Variants in ELF2 observed in about 807,000 individuals in gnomAD.
ELF2 encodes ETS-related transcription factor Elf-2.
Under a neutral mutation model 54.8 loss-of-function variants are expected in ELF2, and 11 were observed. The observed-to-expected ratio is 0.20, with a 90% confidence interval of 0.13 to 0.33. The LOEUF (loss-of-function observed/expected upper bound fraction) is 0.33, where lower values mean the gene tolerates loss of function less well. Among genes scored for constraint, ELF2 ranks in the 10% least tolerant of loss-of-function variants. ELF2 has a pLI of 1.00. For missense variants in ELF2, 513 were observed against 703.0 expected, an observed-to-expected ratio of 0.73 and a Z score of 3.06; for synonymous variants, 203 against 245.1, an observed-to-expected ratio of 0.83 and a Z score of 1.61.
intron 4 of ELF2, among the ~76,000 whole-genome samples, chr4:139,083,571 T>G (rs915083845): frequency 6.6e-6 from 1 of 152,052 alleles, no homozygotes; most frequent in Non-Finnish European, 1.5e-5. Flanking sequence ...TTGGCGGGTA[T>G]CGGTCCACCG....
chr4:139,114,246 T>C (rs1735291668), intron 4 of ELF2, among the ~76,000 whole-genome samples: 1 of 152,194 alleles, frequency 6.6e-6, no homozygotes, highest in Non-Finnish European at 1.5e-5. Flanking sequence ...TATGATTTTT[T>C]TACTTAAATG....
intron 1 of ELF2, among the ~76,000 whole-genome samples, chr4:139,170,259 C>CATT (rs1387778713): frequency 1.1e-5 from 1 of 89,292 alleles, no homozygotes; most frequent in East Asian, 3.1e-4. Flanking sequence ...TCTTAATCGC[C>CATT]TTTTTTTTTT....
intron 4 of ELF2, among the ~76,000 whole-genome samples, chr4:139,112,060 T>C (rs1735002124): frequency 6.6e-6 from 1 of 152,260 alleles, no homozygotes; most frequent in Admixed American, 6.5e-5. Context: ...TTTAGACTTA[T>C]CTGATCCAAG....
chr4:139,106,081 A>G (rs1417039476), intron 4 of ELF2, among the ~76,000 whole-genome samples: 1 of 152,196 alleles, frequency 6.6e-6, no homozygotes, highest in Non-Finnish European at 1.5e-5. Context: ...GGCCATGGAA[A>G]TTTTTGTCAT....
chr4:139,131,891 A>T (rs957223739), intron 3 of ELF2, among the ~76,000 whole-genome samples: 4 of 152,186 alleles, frequency 2.6e-5, no homozygotes, highest in African/African-American at 9.7e-5. Flanking sequence ...CAATTAAGGC[A>T]GTTAGAGCTA....
chr4:139,177,229 G>A (rs1420899313), upstream of ELF2: 4 of 99,150 alleles, frequency 4.0e-5, no homozygotes, highest in South Asian at 9.9e-4. Context: ...GGTTGCCCCC[G>A]CCCCGCTCCG....
chr4:139,113,024 A>G (rs1231310999), intron 4 of ELF2, among the ~76,000 whole-genome samples: 1 of 152,214 alleles, frequency 6.6e-6, no homozygotes, highest in African/African-American at 2.4e-5. Flanking sequence ...TTCCTTTTAC[A>G]TAAAACAGAT....
At chr4:139,064,109 G>A (rs887186811) in intron 7 of ELF2, among the ~76,000 whole-genome samples, 8 of 152,140 alleles carry the variant, frequency 5.3e-5, no homozygotes, top group African/African-American at 1.7e-4. Context: ...AGGAGTTCAT[G>A]ACCAGCCTGG....
chr4:139,147,778 A>ATTTT (rs767408414), intron 1 of ELF2, among the ~76,000 whole-genome samples: 1 of 120,156 alleles, frequency 8.3e-6, no homozygotes. Flanking sequence ...CCAGCCAGAG[A>ATTTT]TTTTTTTTTT....
At chr4:139,105,110 G>A (rs1734290184) in intron 4 of ELF2, among the ~76,000 whole-genome samples, 1 of 152,068 alleles carries the variant, frequency 6.6e-6, no homozygotes, top group South Asian at 2.1e-4. Context: ...CCTAATAACT[G>A]TCATATGGAA....
intron 4 of ELF2, chr4:139,115,386 G>C (rs1735578867): frequency 9.7e-7 from 1 of 1,029,338 alleles, no homozygotes; most frequent in Non-Finnish European, 1.2e-6. Flanking sequence ...GCGGCCGCCG[G>C]GGCCACGTGC....
intron 4 of ELF2, among the ~76,000 whole-genome samples, chr4:139,114,314 T>C (rs1735299378): frequency 6.6e-6 from 1 of 152,174 alleles, no homozygotes; most frequent in African/African-American, 2.4e-5. Flanking sequence ...CTCACGCCTG[T>C]AATCCCAGCA....
chr4:139,083,203 G>A (rs190738565), intron 4 of ELF2, among the ~76,000 whole-genome samples: 114 of 152,202 alleles, frequency 7.5e-4, no homozygotes, highest in Middle Eastern at 6.8e-3. Context: ...GAGGGGAAGG[G>A]GGCAATTCCG....
chr4:139,152,190 G>A (rs1285870354), intron 1 of ELF2, among the ~76,000 whole-genome samples: 1 of 152,054 alleles, frequency 6.6e-6, no homozygotes, highest in Non-Finnish European at 1.5e-5. Context: ...ATATAAGAGT[G>A]AATTTTACTA....
chr4:139,175,027 A>G (rs1038385636), intron 1 of ELF2, among the ~76,000 whole-genome samples: 1 of 152,220 alleles, frequency 6.6e-6, no homozygotes, highest in Non-Finnish European at 1.5e-5. Flanking sequence ...AGTAAAAACC[A>G]CTGAATTGTT....
chr4:139,070,628 A>G (rs1021803318), intron 6 of ELF2, among the ~76,000 whole-genome samples: 1 of 152,206 alleles, frequency 6.6e-6, no homozygotes, highest in East Asian at 1.9e-4. Context: ...ATTTTGTGAC[A>G]GCTCTCATTG....
intron 1 of ELF2, among the ~76,000 whole-genome samples, chr4:139,142,840 T>C (rs1046047320): frequency 6.6e-6 from 1 of 151,468 alleles, no homozygotes; most frequent in Non-Finnish European, 1.5e-5. Context: ...GCACTCCAGT[T>C]TGGGCGACAG....
chr4:139,130,251 C>A (rs574599676), intron 3 of ELF2, among the ~76,000 whole-genome samples: 30 of 152,140 alleles, frequency 2.0e-4, no homozygotes, highest in Non-Finnish European at 3.8e-4. Flanking sequence ...AAAAAAAAAT[C>A]TATCAACACC....
intron 4 of ELF2, chr4:139,115,517 C>CG (rs1437465283): frequency 2.1e-6 from 1 of 466,342 alleles, no homozygotes; most frequent in Non-Finnish European, 2.8e-6. Flanking sequence ...GCGGAGCCCC[C>CG]GGGCCTGGCC....
Sources: gnomAD v4.1 joint callset for allele counts (sites outside exome capture counted in the v4.1 genomes callset) on GRCh38, gnomAD v4.1.1 for gene constraint, MANE v1.5 for transcripts, NCBI Gene and HGNC (gene_info 2026-07-23, HGNC 2026-07-21) for gene names.